CRPPA: variants seen among roughly 807,000 people sequenced by gnomAD.
The protein encoded by CRPPA is CDP-L-ribitol pyrophosphorylase A, also known as D-ribitol-5-phosphate cytidylyltransferase.
CRPPA carries 43 observed loss-of-function variants against 52.0 expected under a neutral mutation model. The ratio of observed to expected loss-of-function variants is 0.83; its 90% CI spans 0.65 to 1.07. CRPPA has a LOEUF of 1.07. CRPPA is among the 50% of genes least tolerant of loss of function. The pLI, the probability that CRPPA is intolerant of heterozygous loss-of-function variation, is 0.00. For missense variants in CRPPA, 629 were observed against 551.7 expected (o/e 1.14, Z -1.40); for synonymous variants, 250 against 203.5 (o/e 1.23, Z -1.94).
chr7:16,187,469 G>A (rs4721478), intron 9 of CRPPA, among the ~76,000 whole-genome samples: 44,847 of 152,042 alleles, frequency 0.29, 6,988 homozygotes, highest in East Asian at 0.51. Flanking sequence ...AAGGAACTGG[G>A]ACATTTTTCG....
rs561891668 is a variant in CRPPA, at chr7:16,148,403, G to A, written c.1252-56604C>T. Among the ~76,000 whole-genome samples the A allele has an allele frequency of 5.7e-4, 86 of 152,112 alleles. 2 individuals carry two copies. The South Asian group carries it at 0.016, about 29-fold the overall frequency. On this transcript the variant is annotated intron_variant, in intron 9 of 9. Coordinates refer to ENST00000407010, the MANE Select transcript of CRPPA (RefSeq NM_001101426.4). ...ATAACCTAAATGTCCTTCAACAGAC[G>A]AATGGATAAAAAAATGTGGTACATA... is the stretch of plus-strand genomic sequence containing the variant.
intron 8 of CRPPA, among the ~76,000 whole-genome samples, chr7:16,227,586 T>A (rs1782684450): frequency 6.6e-6 from 1 of 151,902 alleles, no homozygotes; most frequent in South Asian, 2.1e-4. Context: ...TTTCTTGATA[T>A]AGAGCCAAGT....
intron 1 of CRPPA, among the ~76,000 whole-genome samples, chr7:16,413,305 C>A (rs1788113521): frequency 6.6e-6 from 1 of 152,148 alleles, no homozygotes; most frequent in South Asian, 2.1e-4. Context: ...CTTAGACTTA[C>A]CACTTATTTT....
At chr7:16,396,779 G>A (rs1268190798) in intron 2 of CRPPA, among the ~76,000 whole-genome samples, 10 of 152,214 alleles carry the variant, frequency 6.6e-5, no homozygotes, top group Non-Finnish European at 1.5e-4. Flanking sequence ...ACATGTGAAG[G>A]AAGACGTGAT....
intron 5 of CRPPA, among the ~76,000 whole-genome samples, chr7:16,290,498 A>G (rs1784538942): frequency 1.3e-5 from 2 of 152,106 alleles, no homozygotes; most frequent in African/African-American, 4.8e-5. Flanking sequence ...ATAAATCCAC[A>G]TATTTACAGT....
intron 2 of CRPPA, among the ~76,000 whole-genome samples, chr7:16,381,037 T>G (rs1319853184): frequency 2.0e-5 from 3 of 151,568 alleles, no homozygotes; most frequent in South Asian, 2.1e-4. Context: ...TGCTAGCTTT[T>G]GAATGTGTTT....
intron 9 of CRPPA, among the ~76,000 whole-genome samples, chr7:16,128,086 G>A (rs778876619): frequency 2.0e-5 from 3 of 152,004 alleles, no homozygotes; most frequent in Non-Finnish European, 4.4e-5. Context: ...TTTTACTCCC[G>A]CCAACAGTGT....
chr7:16,251,032 T>C (rs1284290091), intron 8 of CRPPA, among the ~76,000 whole-genome samples: 1 of 151,664 alleles, frequency 6.6e-6, no homozygotes, highest in Non-Finnish European at 1.5e-5. Context: ...TAGATGAAGA[T>C]TTACCAAGAA....
intron 8 of CRPPA, among the ~76,000 whole-genome samples, chr7:16,234,800 C>A (rs1782899391): frequency 6.6e-6 from 1 of 151,868 alleles, no homozygotes; most frequent in Non-Finnish European, 1.5e-5. Context: ...GATATGAGCA[C>A]AAAGGTATTA....
rs188597823 is a variant in CRPPA at position 16,355,325 on chromosome 7, C to G, written c.684+20767G>C. On this transcript the variant is annotated intron_variant, in intron 3 of 9. Coordinates refer to ENST00000407010, the MANE Select transcript of CRPPA (RefSeq NM_001101426.4). ...TAAATCAAGAATATCTCTTTAAAAG[C>G]AACTGTTTCTTCTCCATCATAATTT... Among the ~76,000 whole-genome samples, 3 of 152,268 alleles carry G rather than the reference C, an allele frequency of 2.0e-5. No homozygotes were observed. In the East Asian group the frequency reaches 5.8e-4, roughly 29 times the overall value.
chr7:16,254,761 G>C (rs58050913), intron 8 of CRPPA, among the ~76,000 whole-genome samples: 99 of 140,906 alleles, frequency 7.0e-4, no homozygotes, highest in Middle Eastern at 7.4e-3. Flanking sequence ...AAGAAAGAAA[G>C]ACAGACACAC....
chr7:16,118,086 T>C (rs933484962), intron 9 of CRPPA, among the ~76,000 whole-genome samples: 31 of 152,254 alleles, frequency 2.0e-4, no homozygotes, highest in African/African-American at 7.5e-4. Context: ...GGTTTTTGAA[T>C]TGGCTCTTAG....
intron 5 of CRPPA, among the ~76,000 whole-genome samples, chr7:16,281,270 T>C (rs1282788916): frequency 1.3e-5 from 2 of 151,696 alleles, no homozygotes; most frequent in Non-Finnish European, 2.9e-5. Context: ...TGCAGACCCC[T>C]TTCATCTTTT....
chr7:16,360,706 G>C (rs1159802160), intron 3 of CRPPA, among the ~76,000 whole-genome samples: 1 of 152,106 alleles, frequency 6.6e-6, no homozygotes, highest in Non-Finnish European at 1.5e-5. Context: ...CTTACATCGT[G>C]ACATATACAA....
intron 8 of CRPPA, among the ~76,000 whole-genome samples, chr7:16,238,783 A>T (rs888336055): frequency 1.2e-4 from 18 of 152,282 alleles, no homozygotes; most frequent in Admixed American, 3.3e-4. Flanking sequence ...CATGCATAAG[A>T]GCATATGAAA....
intron 9 of CRPPA, among the ~76,000 whole-genome samples, chr7:16,098,839 C>T (rs1358611660): frequency 6.6e-6 from 1 of 152,094 alleles, no homozygotes; most frequent in Non-Finnish European, 1.5e-5. Flanking sequence ...CAGGAAAAAG[C>T]GATCACCTAC....
At chr7:16,145,490 C>T (rs980141373) in intron 9 of CRPPA, among the ~76,000 whole-genome samples, 4 of 151,952 alleles carry the variant, frequency 2.6e-5, no homozygotes, top group Non-Finnish European at 5.9e-5. Context: ...CCAATGATAA[C>T]AAAATGAAAA....
At position 16,381,878 on chromosome 7, in the gene CRPPA, T is replaced by A. The variant is rs1787100359; in HGVS notation, c.535-5637A>T. Among the ~76,000 whole-genome samples, 5 of 152,142 alleles carry A rather than the reference T, an allele frequency of 3.3e-5. No homozygotes were observed. The South Asian group carries it at 1.0e-3, about 32-fold the overall frequency. ...TCTCCATCCTTTTATTTTGAGCCTA[T>A]GTGTGTCTCTGCACATGAGATGGGT... On this transcript the variant is annotated intron_variant, in intron 2 of 9. Transcript: ENST00000407010.
intron 9 of CRPPA, among the ~76,000 whole-genome samples, chr7:16,149,859 A>G (rs1003514500): frequency 6.6e-6 from 1 of 151,876 alleles, no homozygotes; most frequent in Non-Finnish European, 1.5e-5. Flanking sequence ...GGCAGCGGTC[A>G]CCTGCAGTCC....
Sources: gnomAD v4.1 joint callset for allele counts (sites outside exome capture counted in the v4.1 genomes callset) on GRCh38, gnomAD v4.1.1 for gene constraint, MANE v1.5 for transcripts, NCBI Gene and HGNC (gene_info 2026-07-23, HGNC 2026-07-21) for gene names.